The following EHD4 variants were observed in gnomAD, a reference collection of about 807,000 sequenced individuals.
EHD4 encodes the protein EH domain-containing protein 4.
Under a neutral mutation model 51.0 loss-of-function variants are expected in EHD4, and 37 were observed. That is an observed-to-expected ratio of 0.73 (90% confidence interval 0.56 to 0.95). The LOEUF (loss-of-function observed/expected upper bound fraction) is 0.95, where lower values mean the gene tolerates loss of function less well. Ranked by LOEUF, EHD4 falls within the 40% of genes least tolerant of loss-of-function variation. The pLI is 0.00. For missense variants in EHD4, 632 were observed against 733.1 expected (o/e 0.86, Z 1.59); for synonymous variants, 297 against 317.3 (o/e 0.94, Z 0.68).
chr15:41,902,020 G>T (rs1018029729), intron 5 of EHD4, among the ~76,000 whole-genome samples: 3 of 152,182 alleles, frequency 2.0e-5, no homozygotes, highest in African/African-American at 7.2e-5. Context: ...AAACGTAGCT[G>T]GTAAGCCTGA....
intron 1 of EHD4, among the ~76,000 whole-genome samples, chr15:41,956,619 C>T (rs1035285826): frequency 6.6e-6 from 1 of 152,198 alleles, no homozygotes; most frequent in African/African-American, 2.4e-5. Flanking sequence ...TTCTAAGTAG[C>T]GACCCTACTG....
At chr15:41,920,724 T>A (rs1288266155) in intron 3 of EHD4, among the ~76,000 whole-genome samples, 4 of 152,134 alleles carry the variant, frequency 2.6e-5, no homozygotes, top group African/African-American at 4.8e-5. Flanking sequence ...CAAAATACCA[T>A]ACGGTGGTGA....
intron 1 of EHD4, among the ~76,000 whole-genome samples, chr15:41,967,466 A>G (rs575784606): frequency 6.6e-6 from 1 of 152,362 alleles, no homozygotes; most frequent in East Asian, 1.9e-4. Context: ...CTTATATTGT[A>G]TATTGAAAAT....
At chr15:41,933,603 A>G (rs1444269549) in intron 3 of EHD4, among the ~76,000 whole-genome samples, 1 of 152,112 alleles carries the variant, frequency 6.6e-6, no homozygotes, top group Non-Finnish European at 1.5e-5. Flanking sequence ...AGAATCCTGC[A>G]TTTATAATCT....
chr15:41,902,025 G>A (rs1413959090), intron 5 of EHD4, among the ~76,000 whole-genome samples: 3 of 152,216 alleles, frequency 2.0e-5, no homozygotes, highest in African/African-American at 7.2e-5. Context: ...TAGCTGGTAA[G>A]CCTGAGTATC....
chr15:41,959,695 C>T (rs2141007730), intron 1 of EHD4, among the ~76,000 whole-genome samples: 1 of 152,008 alleles, frequency 6.6e-6, no homozygotes, highest in Non-Finnish European at 1.5e-5. Flanking sequence ...TGGCCGGGCA[C>T]GGTGGCTCAC....
intron 3 of EHD4, among the ~76,000 whole-genome samples, chr15:41,938,356 A>G (rs1293053043): frequency 2.6e-5 from 4 of 152,172 alleles, no homozygotes. Context: ...GTTTGTATAT[A>G]GACGTTAAAA....
At chr15:41,907,295 C>A (rs2067519150) in intron 5 of EHD4, among the ~76,000 whole-genome samples, 2 of 152,212 alleles carry the variant, frequency 1.3e-5, no homozygotes, top group Non-Finnish European at 2.9e-5. Context: ...AAGTTCCCTT[C>A]TGAAATATCT....
intron 3 of EHD4, among the ~76,000 whole-genome samples, chr15:41,924,638 T>C (rs1466755922): frequency 6.6e-6 from 1 of 152,200 alleles, no homozygotes; most frequent in African/African-American, 2.4e-5. Flanking sequence ...TGGCTGCCTA[T>C]GACGGGAGCC....
In EHD4 at chr15:41,909,852, G is replaced by A. The variant is rs2067537308; in HGVS notation, c.936C>T (p.Tyr312=). The A allele has an allele frequency of 3.1e-6, 5 of 1,614,102 alleles. No homozygotes were observed. Among genetic ancestry groups the A allele is most frequent in the African/African-American group, 2.7e-5 (2 of 74,920 alleles). ...KRARLAKVHA[Y]IISYLKKEMP... is the part of the protein sequence containing the mutation. ...TCTCCTTCTTCAGGTAGCTGATGAT[G>A]TAGGCATGCACCTGGAGGGGTATAG... Residue 312 remains tyrosine (Y), a synonymous_variant, in exon 5 of 6, where the codon TAC becomes TAT. Transcript: ENST00000220325.
In EHD4 at chr15:41,972,365, G is replaced by T. The variant is rs775353018; in HGVS notation, c.130C>A (p.Arg44Ser). Residue 44 changes from arginine to serine, a missense_variant, in exon 1 of 6, where the codon CGC becomes AGC. By Grantham distance (110) the Arg-to-Ser change is moderately radical. Transcript: ENST00000220325. The part of the protein sequence containing the change: ...RKVLPLEEAY[R>S]FHEFHSPALE... ...GCAGGCGAGTGGAACTCGTGGAAGC[G>T]GTACGCCTCCTCCAGCGGCAGCACC... The T allele has an allele frequency of 4.3e-6, 7 of 1,611,282 alleles. No homozygotes were observed. The East Asian group carries it at 1.6e-4, about 36-fold the overall frequency.
In EHD4 at chr15:41,943,069, C is replaced by G; in HGVS notation, c.509G>C (p.Arg170Pro). The G allele has an allele frequency of 6.4e-7, 1 of 1,570,412 alleles. No individual in the cohort carries two copies. Among genetic ancestry groups the G allele is most frequent in the Non-Finnish European group, 8.6e-7 (1 of 1,157,194 alleles). ...GAGGGGCAGGGACAGGCACTGACCT[C>G]GGCTGATGCGCTGCTTCTCCCCAGA... ...ILSGEKQRIS[R>P]GYDFCQVLQW... Residue 170 changes from arginine to proline, a missense_variant and splice_region_variant, in exon 3 of 6, where the codon CGA becomes CCA. By Grantham distance (103) the Arg-to-Pro change is moderately radical. Coordinates refer to ENST00000220325, the MANE Select transcript of EHD4 (RefSeq NM_139265.4).
chr15:41,910,822 G>A (rs2067545059), intron 4 of EHD4, among the ~76,000 whole-genome samples: 1 of 152,190 alleles, frequency 6.6e-6, no homozygotes, highest in Non-Finnish European at 1.5e-5. Flanking sequence ...ACCCACCTTG[G>A]CCTCCCAAAG....
chr15:41,936,534 C>T (rs548384793), intron 3 of EHD4, among the ~76,000 whole-genome samples: 3 of 152,216 alleles, frequency 2.0e-5, no homozygotes, highest in South Asian at 2.1e-4. Context: ...TGAGATATCC[C>T]GTGAAATGTT....
At chr15:41,907,216 C>T (rs887872126) in intron 5 of EHD4, among the ~76,000 whole-genome samples, 1 of 152,248 alleles carries the variant, frequency 6.6e-6, no homozygotes, top group African/African-American at 2.4e-5. Flanking sequence ...CAGCGAGGCA[C>T]AGAGGCCCCA....
In EHD4 at chr15:41,972,444, G is replaced by A. The variant is rs745692865; in HGVS notation, c.51C>T (p.Gly17=). 3.2e-6 allele frequency: 5 copies of A among 1,579,098 alleles called. No homozygotes were observed. Among genetic ancestry groups the A allele is most frequent in the South Asian group, 1.1e-5 (1 of 87,224 alleles). Residue 17 remains glycine (G), a synonymous_variant, in exon 1 of 6, where the codon GGC becomes GGT. Coordinates refer to ENST00000220325, the MANE Select transcript of EHD4 (RefSeq NM_139265.4). The part of the protein sequence containing the change: ...RQAGGRERAG[G]ADAVQTVTGG... ...CCGTCACCGTCTGCACCGCGTCCGC[G>A]CCGCCAGCGCGTTCGCGCCCGCCCG...
chr15:41,908,339 A>T (rs2067525998), intron 5 of EHD4: 1 of 152,182 alleles, frequency 6.6e-6, no homozygotes, highest in Non-Finnish European at 1.5e-5. Flanking sequence ...ACCCCTTAGG[A>T]TCAAAGTTCC....
At chr15:41,914,539 G>C (rs2067570630) in intron 4 of EHD4, among the ~76,000 whole-genome samples, 1 of 152,138 alleles carries the variant, frequency 6.6e-6, no homozygotes, top group Non-Finnish European at 1.5e-5. Flanking sequence ...CAGCCTTAAA[G>C]GGGACCGGAG....
chr15:41,906,180 T>C (rs1437956401), intron 5 of EHD4, among the ~76,000 whole-genome samples: 1 of 152,210 alleles, frequency 6.6e-6, no homozygotes, highest in Non-Finnish European at 1.5e-5. Context: ...CTGCTTTTCT[T>C]TGATTGATCC....
Sources: gnomAD v4.1 joint callset for allele counts (sites outside exome capture counted in the v4.1 genomes callset) on GRCh38, gnomAD v4.1.1 for gene constraint, MANE v1.5 for transcripts, NCBI Gene and HGNC (gene_info 2026-07-23, HGNC 2026-07-21) for gene names.